Variants in SLC13A3 observed in about 807,000 individuals in gnomAD.
SLC13A3 encodes the protein Na(+)/dicarboxylate cotransporter 3.
A neutral mutation model predicts 59.0 loss-of-function variants in SLC13A3; 40 were observed. That is an observed-to-expected ratio of 0.68 (90% CI 0.53 to 0.88). The LOEUF (loss-of-function observed/expected upper bound fraction) is 0.88. Ranked by LOEUF, SLC13A3 falls within the 40% of genes least tolerant of loss-of-function variation. The pLI is 0.00. For missense variants in SLC13A3, 699 were observed against 783.2 expected (o/e 0.89, Z 1.28); for synonymous variants, 317 against 330.3 (o/e 0.96, Z 0.44).
At chr20:46,623,067 CA>C (rs1366972359) in intron 1 of SLC13A3, among the ~76,000 whole-genome samples, 4 of 152,106 alleles carry the variant, frequency 2.6e-5, no homozygotes, top group Non-Finnish European at 5.9e-5. Context: ...CAAACTCTTT[CA>C]GAGAGCAGAG....
chr20:46,620,995 G>A (rs375865579), intron 1 of SLC13A3, among the ~76,000 whole-genome samples: 2 of 152,252 alleles, frequency 1.3e-5, no homozygotes, highest in Non-Finnish European at 2.9e-5. Flanking sequence ...CAAGGCAATG[G>A]CCATCAAGAG....
At chr20:46,573,336 T>C (rs990446231) in intron 10 of SLC13A3, among the ~76,000 whole-genome samples, 1 of 152,242 alleles carries the variant, frequency 6.6e-6, no homozygotes, top group East Asian at 1.9e-4. Flanking sequence ...CCCAGACAGA[T>C]GGATGCTGGG....
At chr20:46,662,379 A>G (rs1294188461) in intron 1 of SLC13A3, among the ~76,000 whole-genome samples, 1 of 152,214 alleles carries the variant, frequency 6.6e-6, no homozygotes, top group Non-Finnish European at 1.5e-5. Flanking sequence ...GCCATCAGAC[A>G]TTGTTGTAGT....
At chr20:46,638,629 C>G (rs952915161) in intron 1 of SLC13A3, among the ~76,000 whole-genome samples, 2 of 152,192 alleles carry the variant, frequency 1.3e-5, no homozygotes, top group Non-Finnish European at 2.9e-5. Flanking sequence ...CCTGCCAGGC[C>G]CTCTGCCTCC....
Position 46,588,133 on chromosome 20 carries a change from G to T in SLC13A3, c.1047C>A (p.Phe349Leu), listed in dbSNP as rs772056353. The T allele has an allele frequency of 6.2e-7, 1 of 1,612,910 alleles. No homozygotes were observed. Among genetic ancestry groups the T allele is most frequent in the Admixed American group, 1.7e-5 (1 of 59,908 alleles). Reference protein sequence around the residue: ...KFAEQAVFILFCMFAILLFTR... With the variant: ...KFAEQAVFILLCMFAILLFTR... ...TGAAGAGGAGGATGGCAAACATGCA[G>T]AAAAGGATGAAAACAGCCTGTTCGG... Residue 349 changes from phenylalanine (F) to leucine (L), a missense_variant, in exon 8 of 13, where the codon TTC (phenylalanine) becomes TTA (leucine). Transcript: ENST00000279027.
At chr20:46,671,483 T>C (rs2063091364), upstream of SLC13A3, among the ~76,000 whole-genome samples, 1 of 152,014 alleles carries the variant, frequency 6.6e-6, no homozygotes, top group Admixed American at 6.6e-5. Context: ...TTTTCAACCC[T>C]TTGAATGTTA....
intron 1 of SLC13A3, among the ~76,000 whole-genome samples, chr20:46,635,273 G>C (rs1159583232): frequency 6.6e-6 from 1 of 152,104 alleles, no homozygotes; most frequent in African/African-American, 2.4e-5. Context: ...GGACCCAAAG[G>C]GAAAGGAATT....
chr20:46,596,691 G>A (rs1316484027), intron 4 of SLC13A3, among the ~76,000 whole-genome samples: 1 of 152,170 alleles, frequency 6.6e-6, no homozygotes, highest in African/African-American at 2.4e-5. Context: ...TAAGATGAGA[G>A]CTGTCCAGTC....
chr20:46,610,646 C>G, intron 2 of SLC13A3, 37 bp from the exon 3 acceptor site: 9 of 1,559,628 alleles, frequency 5.8e-6, no homozygotes, highest in Non-Finnish European at 7.0e-6. Context: ...AATCCAGAAC[C>G]CAGGGCCCAG....
intron 10 of SLC13A3, among the ~76,000 whole-genome samples, chr20:46,574,218 T>C (rs575773879): frequency 6.6e-6 from 1 of 152,342 alleles, no homozygotes; most frequent in East Asian, 1.9e-4. Context: ...TGCAAAATTC[T>C]AGAGTGAACA....
Position 46,636,898 on chromosome 20 carries a change from T to C in SLC13A3, c.111+14413A>G, listed in dbSNP as rs976925364. Among the ~76,000 whole-genome samples, 8 of 151,974 alleles carry C rather than the reference T, an allele frequency of 5.3e-5. 1 individual carries two copies. The Middle Eastern group carries it at 0.019, about 361-fold the overall frequency. On this transcript the variant is annotated intron_variant, in intron 1 of 12. Coordinates refer to ENST00000279027, the MANE Select transcript of SLC13A3 (RefSeq NM_022829.6). ...TCACTGCAGCCTCCGCCTCCTGGGT[T>C]CCAGTGATTCTCCTGCCTTAGTCTC...
chr20:46,609,475 T>C (rs2062470619), intron 3 of SLC13A3, among the ~76,000 whole-genome samples: 1 of 152,224 alleles, frequency 6.6e-6, no homozygotes, highest in African/African-American at 2.4e-5. Flanking sequence ...CTATAATTGA[T>C]TGGGTCTTTT....
At chr20:46,607,947 G>A (rs779138353) in intron 3 of SLC13A3, among the ~76,000 whole-genome samples, 3 of 152,144 alleles carry the variant, frequency 2.0e-5, no homozygotes, top group Non-Finnish European at 4.4e-5. Flanking sequence ...CATAAACTAA[G>A]TGCACAGTAA....
intron 1 of SLC13A3, among the ~76,000 whole-genome samples, chr20:46,615,735 T>C (rs981287674): frequency 6.6e-6 from 1 of 152,184 alleles, no homozygotes; most frequent in Non-Finnish European, 1.5e-5. Flanking sequence ...GAGACTCTGC[T>C]TAATACACCC....
chr20:46,655,637 G>A (rs1003282393), upstream of SLC13A3, among the ~76,000 whole-genome samples: 3 of 147,186 alleles, frequency 2.0e-5, no homozygotes, highest in Non-Finnish European at 4.5e-5. Flanking sequence ...ACATTGGGTT[G>A]TTTCTACCTT....
intron 1 of SLC13A3, among the ~76,000 whole-genome samples, chr20:46,614,513 G>C (rs2062535924): frequency 6.6e-6 from 1 of 152,218 alleles, no homozygotes; most frequent in African/African-American, 2.4e-5. Context: ...GAGCACCAGT[G>C]GGGGTGTGGA....
intron 10 of SLC13A3, among the ~76,000 whole-genome samples, chr20:46,572,933 C>A (rs4809592): frequency 0.08 from 12,157 of 152,072 alleles, 694 homozygotes; most frequent in East Asian, 0.23. Flanking sequence ...AGGAAGCCTT[C>A]CCTAAGACAC....
intron 1 of SLC13A3, among the ~76,000 whole-genome samples, chr20:46,631,783 C>T (rs980779236): frequency 3.3e-5 from 5 of 151,926 alleles, no homozygotes; most frequent in South Asian, 2.1e-4. Flanking sequence ...GGGTGAGAGA[C>T]GGGTGGAGAG....
At chr20:46,617,858 A>G (rs555364365) in intron 1 of SLC13A3, among the ~76,000 whole-genome samples, 18 of 152,276 alleles carry the variant, frequency 1.2e-4, no homozygotes, top group African/African-American at 4.1e-4. Flanking sequence ...GCTTTTAAAA[A>G]TATACAATTA....
Sources: allele counts gnomAD v4.1 joint callset (sites outside exome capture counted in the v4.1 genomes callset), GRCh38; gene constraint gnomAD v4.1.1; transcripts MANE v1.5; gene names NCBI Gene and HGNC (gene_info 2026-07-23, HGNC 2026-07-21).